NLRP7: variants seen among roughly 807,000 people sequenced by gnomAD.
NLRP7 encodes NACHT, LRR and PYD domains-containing protein 7.
NLRP7 carries 72 observed loss-of-function variants against 85.5 expected under a neutral mutation model. The observed-to-expected ratio is 0.84, with a 90% CI of 0.70 to 1.02. The LOEUF is 1.02. Among genes scored for constraint, NLRP7 ranks in the 50% least tolerant of loss-of-function variants. The pLI is 0.00. For synonymous variants in NLRP7, 550 were observed against 505.2 expected, an observed-to-expected ratio of 1.09 and a Z score of -1.19; for missense variants, 1,243 against 1,219.5, an observed-to-expected ratio of 1.02 and a Z score of -0.29.
chr19:54,925,649 T>A (rs890782662), intron 9 of NLRP7, among the ~76,000 whole-genome samples: 1 of 152,084 alleles, frequency 6.6e-6, no homozygotes, highest in African/African-American at 2.4e-5. Flanking sequence ...AGCAAAACGT[T>A]GTCTCAGAAA....
chr19:54,938,627 G>C (rs2069051240), intron 4 of NLRP7, among the ~76,000 whole-genome samples: 1 of 152,222 alleles, frequency 6.6e-6, no homozygotes, highest in Admixed American at 6.5e-5. Context: ...TCGGGAGGCT[G>C]AGGCAGGAGA....
rs188337946 is a variant in NLRP7, at chr19:54,928,206, T to C, written c.2810+2293A>G. Among the ~76,000 whole-genome samples, 11 of 152,204 alleles carry C rather than the reference T, an allele frequency of 7.2e-5. No homozygotes were observed. The East Asian group carries it at 2.1e-3, about 29-fold the overall frequency. ...CTGCACTCCAGCCTGGGCAATAGAA[T>C]GAGACTCCATCTCACAAATATATAA... On this transcript the variant is annotated intron_variant, in intron 9 of 9. Coordinates refer to ENST00000340844, the Ensembl canonical transcript of NLRP7.
At chr19:54,964,209 GTGT>G (rs1299272634) in intron 1 of NLRP7, among the ~76,000 whole-genome samples, 10 of 92,842 alleles carry the variant, frequency 1.1e-4, no homozygotes, top group African/African-American at 2.5e-4. Flanking sequence ...TATTTATATG[GTGT>G]TTTTTTTTTT....
At chr19:54,947,590 C>T (rs2069530677), upstream of NLRP7, 3 of 1,289,618 alleles carry the variant, frequency 2.3e-6, no homozygotes, top group Non-Finnish European at 2.0e-6. Context: ...AGGGTGGAAC[C>T]GCCCCACTGA....
intron 1 of NLRP7, among the ~76,000 whole-genome samples, chr19:54,959,514 C>T (rs1286612677): frequency 6.6e-6 from 1 of 151,518 alleles, no homozygotes; most frequent in Non-Finnish European, 1.5e-5. Flanking sequence ...TCTTCCCTCA[C>T]CAGCACTTTG....
chr19:54,939,295 T>C (rs1335989441), exon 4 of NLRP7: 2 of 1,614,084 alleles, frequency 1.2e-6, no homozygotes, highest in Non-Finnish European at 8.5e-7. Flanking sequence ...TCTTGAGTCT[T>C]TCTTCTCCGG....
chr19:54,964,633 G>C (rs1160326860), intron 1 of NLRP7, among the ~76,000 whole-genome samples: 1 of 151,270 alleles, frequency 6.6e-6, no homozygotes, highest in African/African-American at 2.4e-5. Context: ...GACCAGCCTG[G>C]CCAGCATGGC....
intron 6 of NLRP7, among the ~76,000 whole-genome samples, chr19:54,935,681 A>G (rs1346630548): frequency 2.8e-5 from 4 of 145,068 alleles, no homozygotes; most frequent in Non-Finnish European, 5.9e-5. Context: ...GACAAGAATA[A>G]AACTGTCTCA....
chr19:54,959,107 G>A (rs2069948973), intron 1 of NLRP7, among the ~76,000 whole-genome samples: 1 of 151,344 alleles, frequency 6.6e-6, no homozygotes, highest in African/African-American at 2.4e-5. Context: ...CGGGCTACCT[G>A]CCTTTGGTTT....
chr19:54,935,147 C>G (rs2068853402), intron 6 of NLRP7, among the ~76,000 whole-genome samples: 1 of 152,128 alleles, frequency 6.6e-6, no homozygotes, highest in African/African-American at 2.4e-5. Flanking sequence ...GGGTAACATC[C>G]AGCCACTTCT....
At chr19:54,944,224 C>T (rs1156739186) in intron 1 of NLRP7, among the ~76,000 whole-genome samples, 1 of 151,668 alleles carries the variant, frequency 6.6e-6, no homozygotes, top group Non-Finnish European at 1.5e-5. Context: ...GTCTCCTGCT[C>T]GTCCCTGGGC....
intron 8 of NLRP7, among the ~76,000 whole-genome samples, chr19:54,933,318 G>A (rs566777329): frequency 6.6e-6 from 1 of 151,874 alleles, no homozygotes; most frequent in South Asian, 2.1e-4. Flanking sequence ...GCTAATTTTT[G>A]GTATTTTTAG....
exon 4 of NLRP7, chr19:54,939,177 G>T (rs1176728840): frequency 6.2e-7 from 1 of 1,614,108 alleles, no homozygotes; most frequent in African/African-American, 1.3e-5. Context: ...AGCAATTCCT[G>T]TTTGATGTCC....
At chr19:54,942,760 T>G (rs979005627) in intron 1 of NLRP7, among the ~76,000 whole-genome samples, 1 of 151,934 alleles carries the variant, frequency 6.6e-6, no homozygotes, top group Non-Finnish European at 1.5e-5. Flanking sequence ...AACCAAGACT[T>G]CCTCGCCACC....
At chr19:54,935,733 A>G (rs1208286736) in intron 6 of NLRP7, among the ~76,000 whole-genome samples, 3 of 151,694 alleles carry the variant, frequency 2.0e-5, no homozygotes, top group Non-Finnish European at 4.4e-5. Flanking sequence ...GAGTGCAGAG[A>G]AGGTTGCATG....
chr19:54,923,790 A>T, exon 10 of NLRP7: 1 of 1,614,110 alleles, frequency 6.2e-7, no homozygotes, highest in Non-Finnish European at 8.5e-7. Flanking sequence ...GAAGCATTGC[A>T]ATCAATAGTC....
chr19:54,929,936 A>C (rs1219970040), intron 9 of NLRP7, among the ~76,000 whole-genome samples: 1 of 101,096 alleles, frequency 9.9e-6, no homozygotes, highest in Non-Finnish European at 2.2e-5. Flanking sequence ...AACACTGTGA[A>C]ACCCATCTCT....
At chr19:54,953,625 C>T (rs2069747408) in intron 1 of NLRP7, among the ~76,000 whole-genome samples, 1 of 151,208 alleles carries the variant, frequency 6.6e-6, no homozygotes, top group African/African-American at 2.4e-5. Flanking sequence ...TCATTTCTGC[C>T]TTTTAGTTTT....
At chr19:54,963,882 T>C (rs2070169652) in intron 1 of NLRP7, among the ~76,000 whole-genome samples, 1 of 142,760 alleles carries the variant, frequency 7.0e-6, no homozygotes, top group Non-Finnish European at 1.6e-5. Flanking sequence ...AAACCCAACT[T>C]TTTTCTTTTT....
Sources: gnomAD v4.1 joint callset for allele counts (sites outside exome capture counted in the v4.1 genomes callset) on GRCh38, gnomAD v4.1.1 for gene constraint, MANE v1.5 for transcripts, NCBI Gene and HGNC (gene_info 2026-07-23, HGNC 2026-07-21) for gene names.